The following VRK2 variants were observed in gnomAD, a reference collection of about 807,000 sequenced individuals.
The protein encoded by VRK2 is VRK serine/threonine kinase 2.
In VRK2, 60 loss-of-function variants were observed where a neutral mutation model predicts 57.6. That is an observed-to-expected ratio of 1.04 (90% CI 0.85 to 1.29). The LOEUF is 1.29. VRK2 is among the 50% of genes most tolerant of loss of function. VRK2 has a pLI of 0.00. For synonymous variants in VRK2, 231 were observed against 199.2 expected (o/e 1.16, Z -1.35); for missense variants, 705 against 588.1 (o/e 1.20, Z -2.06).
chr2:58,136,932 C>A (rs1408413861), intron 10 of VRK2, among the ~76,000 whole-genome samples: 2 of 126,606 alleles, frequency 1.6e-5, no homozygotes, highest in African/African-American at 3.2e-5. Flanking sequence ...GTGTATATAT[C>A]ATATATATTA....
chr2:57,975,463 T>G (rs1672220890), intron 1 of VRK2, among the ~76,000 whole-genome samples: 1 of 152,110 alleles, frequency 6.6e-6, no homozygotes, highest in South Asian at 2.1e-4. Flanking sequence ...AATTTTTGGC[T>G]CTGACCCCCT....
chr2:57,910,356 CA>C (rs143938126), intron 1 of VRK2, among the ~76,000 whole-genome samples: 1,992 of 152,174 alleles, frequency 0.013, 43 homozygotes, highest in African/African-American at 0.046. Context: ...TGGATTATGA[CA>C]ATAAAACACA....
intron 2 of VRK2, 42 bp downstream of exon 2, chr2:58,049,009 G>T: frequency 1.3e-6 from 2 of 1,585,090 alleles, no homozygotes; most frequent in South Asian, 2.3e-5. Flanking sequence ...TTATATCTGT[G>T]ACTGTAACCG....
At chr2:58,113,973 C>T (rs962445218) in intron 7 of VRK2, among the ~76,000 whole-genome samples, 4 of 152,146 alleles carry the variant, frequency 2.6e-5, no homozygotes, top group African/African-American at 9.6e-5. Flanking sequence ...TTTCTCAGGG[C>T]TGCTTCAACA....
At chr2:57,922,785 TA>T (rs1301022938) in intron 1 of VRK2, among the ~76,000 whole-genome samples, 1 of 151,978 alleles carries the variant, frequency 6.6e-6, no homozygotes. Flanking sequence ...TAATACATAA[TA>T]AATTATTGTC....
chr2:57,936,687 A>G (rs950142877), intron 1 of VRK2, among the ~76,000 whole-genome samples: 1 of 152,046 alleles, frequency 6.6e-6, no homozygotes, highest in Non-Finnish European at 1.5e-5. Flanking sequence ...TTTCTATAGT[A>G]GAATATGATG....
chr2:58,135,149 A>G lies in VRK2; in HGVS notation c.806A>G (p.Asp269Gly). ...ACCTTATTTTGTTTTAGTCTGTTGG[A>G]CGAGCTCCCCCAGTCAGTGCTTAAA... ...AVQTAKTNLL[D>G]ELPQSVLKWA... The change falls in exon 10 of 13, where the codon GAC (aspartate) becomes GGC (glycine). Residue 269 changes from aspartate (D) to glycine (G), a missense_variant. Asp to Gly is a moderately conservative substitution (Grantham distance 94). Coordinates refer to ENST00000340157, the MANE Select transcript of VRK2 (RefSeq NM_006296.7). 1.2e-6 allele frequency: 2 copies of G among 1,614,132 alleles called. No homozygotes were observed. The highest frequency in any genetic ancestry group is 3.3e-5 in the Admixed American group (2 of 60,028).
intron 7 of VRK2, among the ~76,000 whole-genome samples, chr2:58,107,668 CT>C (rs761868842): frequency 7.9e-5 from 12 of 152,092 alleles, no homozygotes; most frequent in Non-Finnish European, 1.6e-4. Flanking sequence ...CATAAGAGAC[CT>C]CATTTTGAGA....
intron 1 of VRK2, among the ~76,000 whole-genome samples, chr2:58,011,824 A>G (rs1228426020): frequency 6.6e-6 from 1 of 152,022 alleles, no homozygotes; most frequent in East Asian, 1.9e-4. Flanking sequence ...ACTAAATATC[A>G]CTCTGTGAAA....
chr2:57,966,143 TACTCAC>T (rs551015443), intron 1 of VRK2, among the ~76,000 whole-genome samples: 127 of 152,304 alleles, frequency 8.3e-4, no homozygotes, highest in African/African-American at 2.8e-3. Context: ...GACAGTTTAT[TACTCAC>T]ACTCAGCAAA....
In VRK2 at chr2:57,908,736, T is replaced by C. The variant is rs531479268; in HGVS notation, c.-439+897T>C. On this transcript the variant is annotated intron_variant, in intron 1 of 15. Transcript: ENST00000417641. ...AAGAATAGTTTTTCAAAGTAGTTTT[T>C]AATGAGGCCATATCTTGAAGTTTGT... Among the ~76,000 whole-genome samples the C allele has an allele frequency of 7.2e-5, 11 of 152,308 alleles. No homozygotes were observed. The South Asian group carries it at 2.3e-3, about 32-fold the overall frequency.
upstream of VRK2, chr2:58,046,740 C>T (rs923387184): frequency 7.1e-6 from 7 of 985,542 alleles, no homozygotes; most frequent in Non-Finnish European, 8.4e-6. Context: ...TTAGGCAGGT[C>T]CTAGGGAGGG....
intron 7 of VRK2, among the ~76,000 whole-genome samples, chr2:58,109,350 G>A (rs1345228879): frequency 1.3e-5 from 2 of 151,852 alleles, no homozygotes; most frequent in African/African-American, 2.4e-5. Flanking sequence ...TGTTAAAATA[G>A]CAGATTCATG....
intron 1 of VRK2, among the ~76,000 whole-genome samples, chr2:58,020,449 C>T (rs1020410374): frequency 6.6e-6 from 1 of 152,248 alleles, no homozygotes; most frequent in African/African-American, 2.4e-5. Flanking sequence ...AAGCAGTCTT[C>T]CTGCCTCAGC....
intron 1 of VRK2, among the ~76,000 whole-genome samples, chr2:57,999,868 G>A (rs1479400826): frequency 1.5e-4 from 23 of 152,142 alleles, no homozygotes; most frequent in Admixed American, 1.5e-3. Flanking sequence ...ATTATAGCCA[G>A]TTAGTGGCTC....
chr2:57,948,657 A>C (rs1318923019), intron 1 of VRK2, among the ~76,000 whole-genome samples: 1 of 152,180 alleles, frequency 6.6e-6, no homozygotes, highest in Non-Finnish European at 1.5e-5. Context: ...CATTCTTAGA[A>C]AGAAGAAAGA....
At chr2:58,053,194 G>C (rs571954822) in intron 2 of VRK2, among the ~76,000 whole-genome samples, 2 of 152,294 alleles carry the variant, frequency 1.3e-5, no homozygotes, top group African/African-American at 4.8e-5. Flanking sequence ...TTGAGACAAG[G>C]CACCTATCAT....
intron 1 of VRK2, among the ~76,000 whole-genome samples, chr2:57,971,848 T>A (rs1052334898): frequency 6.6e-6 from 1 of 151,894 alleles, no homozygotes. Flanking sequence ...ACAAAAATGC[T>A]TCAACTCATT....
At chr2:57,978,931 G>A (rs1284442750) in intron 1 of VRK2, among the ~76,000 whole-genome samples, 1 of 150,760 alleles carries the variant, frequency 6.6e-6, no homozygotes, top group Non-Finnish European at 1.5e-5. Flanking sequence ...TGTTAGTTTG[G>A]TGAAGATGAT....
Sources: allele counts gnomAD v4.1 joint callset (sites outside exome capture counted in the v4.1 genomes callset), GRCh38; gene constraint gnomAD v4.1.1; transcripts MANE v1.5; gene names NCBI Gene and HGNC (gene_info 2026-07-23, HGNC 2026-07-21).